ZNF606: variants seen among roughly 807,000 people sequenced by gnomAD.
The protein encoded by ZNF606 is zinc finger protein 328.
ZNF606 carries 37 observed loss-of-function variants against 74.9 expected under a neutral mutation model. The observed-to-expected ratio is 0.49, with a 90% CI of 0.38 to 0.65. The LOEUF (loss-of-function observed/expected upper bound fraction) is 0.65. Among genes scored for constraint, ZNF606 ranks in the 30% least tolerant of loss-of-function variants. The pLI is 0.00. For synonymous variants in ZNF606, 328 were observed against 312.4 expected (o/e 1.05, Z -0.53); for missense variants, 852 against 952.9 (o/e 0.89, Z 1.39).
In ZNF606 at chr19:58,001,333, T is replaced by C. The variant is rs1005747287; in HGVS notation, c.-14A>G. 5 of 1,614,008 alleles carry C rather than the reference T, an allele frequency of 3.1e-6. No individual in the cohort carries two copies. The African/African-American group carries it at 6.7e-5, about 22-fold the overall frequency. On this transcript the variant is annotated 5_prime_UTR_variant, in exon 2 of 7. Coordinates refer to ENST00000551380, the MANE Select transcript of ZNF606 (RefSeq NM_001348022.3). Reference sequence around the variant, plus strand: ...GATGGCTGCCATCCCGAGGACTGATTGACCAGGCACCTGCCCAGGAACACA... The same window carrying C: ...GATGGCTGCCATCCCGAGGACTGATCGACCAGGCACCTGCCCAGGAACACA...
chr19:57,984,557 T>G (rs2073136751), intron 6 of ZNF606, among the ~76,000 whole-genome samples: 1 of 152,148 alleles, frequency 6.6e-6, no homozygotes, highest in South Asian at 2.1e-4. Flanking sequence ...AATAATAAGA[T>G]AAAGACAATG....
At chr19:58,000,335 C>T (rs2123348368) in intron 3 of ZNF606, 2 of 522,244 alleles carry the variant, frequency 3.8e-6, no homozygotes, top group South Asian at 3.0e-5. Context: ...CATTCTCCTG[C>T]CTCAGCCTCC....
intron 4 of ZNF606, among the ~76,000 whole-genome samples, chr19:57,992,206 C>T (rs2073271588): frequency 6.6e-6 from 1 of 152,228 alleles, no homozygotes; most frequent in South Asian, 2.1e-4. Context: ...CCATCAATGA[C>T]TGCTCAGCTG....
chr19:57,992,129 C>T (rs1234741116), intron 4 of ZNF606, among the ~76,000 whole-genome samples: 1 of 152,074 alleles, frequency 6.6e-6, no homozygotes, highest in Non-Finnish European at 1.5e-5. Flanking sequence ...ATCTAATAAA[C>T]ACAAGAGGAA....
At position 58,002,071 on chromosome 19, in the gene ZNF606, G is replaced by C. The variant is rs138179836; in HGVS notation, c.-52+325C>G. 1.6e-5 allele frequency: 7 copies of C among 425,752 alleles called. No individual in the cohort carries two copies. In the East Asian group the frequency reaches 4.9e-4, roughly 30 times the overall value. The allele number at this position is 425,752 out of a possible 1,614,324, so 26.4% of individuals were successfully genotyped here. On this transcript the variant is annotated intron_variant, in intron 1 of 6. Transcript: ENST00000551380. ...TGTGTATAAAGCACTAGAACACACA[G>C]TGGGCCTCAGGAGCACCGGAATCAG...
intron 1 of ZNF606, chr19:58,001,936 G>A (rs924720633): frequency 8.8e-6 from 3 of 341,502 alleles, no homozygotes; most frequent in Non-Finnish European, 1.7e-5. Flanking sequence ...CTAAGCCTAA[G>A]CTTGTGTGTG....
At position 58,002,739 on chromosome 19, in the gene ZNF606, C is replaced by T. The variant is rs771342040; in HGVS notation, c.-395G>A. ...GCCGGCTCTCCTGACCCCCCAAGCC[C>T]CGCAGCTACGGCGGCCCCACAGCCT... On this transcript the variant is annotated 5_prime_UTR_variant, in exon 1 of 7. Coordinates refer to ENST00000551380, the MANE Select transcript of ZNF606 (RefSeq NM_001348022.3). 1 of 454,206 alleles carries T rather than the reference C, an allele frequency of 2.2e-6. No homozygotes were observed. Among genetic ancestry groups the T allele is most frequent in the Non-Finnish European group, 4.4e-6 (1 of 226,048 alleles). 28.1% of individuals were successfully genotyped at this position (454,206 alleles called of 1,614,324 possible).
At chr19:57,997,810 T>G (rs1368968064) in intron 4 of ZNF606, 1 of 152,248 alleles carries the variant, frequency 6.6e-6, no homozygotes, top group African/African-American at 2.4e-5. Context: ...CTACTGATTA[T>G]TCTGTCTTAG....
intron 5 of ZNF606, 97 bp from the exon 6 acceptor site, chr19:57,988,399 T>C: frequency 2.8e-6 from 4 of 1,415,106 alleles, no homozygotes; most frequent in Non-Finnish European, 3.9e-6. Flanking sequence ...CTTCTCAACC[T>C]GGGCAGAATA....
intron 4 of ZNF606, among the ~76,000 whole-genome samples, chr19:57,996,217 G>A (rs1366711963): frequency 6.6e-6 from 1 of 152,228 alleles, no homozygotes; most frequent in Non-Finnish European, 1.5e-5. Flanking sequence ...AGGATGGTAA[G>A]GGGACTGGGC....
chr19:58,002,037 T>C lies in ZNF606; in HGVS notation c.-52+359A>G, dbSNP rs569681449. The C allele has an allele frequency of 7.9e-6, 3 of 380,800 alleles. No individual in the cohort carries two copies. The East Asian group carries it at 2.2e-4, about 28-fold the overall frequency. The allele number at this position is 380,800 out of a possible 1,614,324, so 23.6% of individuals were successfully genotyped here. A position where few individuals can be genotyped will look rare whatever the true frequency, so the allele number is the denominator to read the frequency against. The stretch of plus-strand genomic sequence containing the variant: ...CAAGTCAGCAACCTCTCGAATGGAT[T>C]CCTGGGTATGTGTATAAAGCACTAG... On this transcript the variant is annotated intron_variant, in intron 1 of 6. Coordinates refer to ENST00000551380, the MANE Select transcript of ZNF606 (RefSeq NM_001348022.3).
intron 6 of ZNF606, among the ~76,000 whole-genome samples, chr19:57,985,131 C>CA (rs944144442): frequency 1.9e-4 from 29 of 151,988 alleles, no homozygotes; most frequent in African/African-American, 3.9e-4. Flanking sequence ...AACAAAAACA[C>CA]AAAAAAACAA....
intron 4 of ZNF606, among the ~76,000 whole-genome samples, chr19:57,989,509 T>C (rs752637773): frequency 2.6e-5 from 4 of 151,970 alleles, no homozygotes; most frequent in Non-Finnish European, 5.9e-5. Flanking sequence ...TGTCATGGTG[T>C]GATCTCAGCT....
intron 3 of ZNF606, 194 bp downstream of exon 3, chr19:58,000,489 T>C (rs1201199560): frequency 3.0e-6 from 2 of 673,156 alleles, no homozygotes; most frequent in Admixed American, 2.1e-5. Context: ...CCTCCCAAAG[T>C]GCTGTAGGCG....
rs757978233 is a variant in ZNF606 at position 57,999,874 on chromosome 19, G to A, written c.111C>T (p.Ala37=). Residue 37 remains alanine, a synonymous_variant, in exon 4 of 7, where the codon GCC becomes GCT. Coordinates refer to ENST00000551380, the MANE Select transcript of ZNF606 (RefSeq NM_001348022.3). ...ASWALCPQYP[A]WHVEGSLEEG... ...CCTCCAGGCTTCCCTCCACGTGCCA[G>A]GCAGGATACTGAGGACACAGAGCTA... The A allele has an allele frequency of 6.2e-7, 1 of 1,614,038 alleles. No homozygotes were observed. Among genetic ancestry groups the A allele is most frequent in the Non-Finnish European group, 8.5e-7 (1 of 1,180,032 alleles).
chr19:57,983,624 G>T (rs1459636061), intron 6 of ZNF606, among the ~76,000 whole-genome samples: 3 of 151,996 alleles, frequency 2.0e-5, no homozygotes, highest in Admixed American at 1.3e-4. Context: ...CTGAGATGGT[G>T]GGGTTATAGA....
rs369797939 is a variant in ZNF606, at chr19:57,979,567, C to T, written c.1113G>A (p.Ala371=). ...EHQKIGTVEK[A]YKYNEWEKVF... ...CTTTCTCCCATTCATTGTATTTATA[C>T]GCTTTCTCTACAGTACCAATTTTTT... The change falls in exon 7 of 7, where the codon GCG becomes GCA. Residue 371 remains alanine (A), a synonymous_variant. Coordinates refer to ENST00000551380, the MANE Select transcript of ZNF606 (RefSeq NM_001348022.3). 37 of 1,612,892 alleles carry T rather than the reference C, an allele frequency of 2.3e-5. No homozygotes were observed. The highest frequency in any genetic ancestry group is 1.6e-4 in the Middle Eastern group (1 of 6,080).
intron 4 of ZNF606, among the ~76,000 whole-genome samples, chr19:57,994,831 G>C (rs183671646): frequency 6.6e-6 from 1 of 152,136 alleles, no homozygotes. Context: ...CCAGAGTGGG[G>C]AGACTGACAA....
chr19:58,002,099 C>T (rs1182547632), intron 1 of ZNF606: 1 of 445,284 alleles, frequency 2.2e-6, no homozygotes, highest in Non-Finnish European at 4.5e-6. Context: ...GGAATCAGCG[C>T]GAAAACGCAG....
Sources: allele counts gnomAD v4.1 joint callset (sites outside exome capture counted in the v4.1 genomes callset), GRCh38; gene constraint gnomAD v4.1.1; transcripts MANE v1.5; gene names NCBI Gene and HGNC (gene_info 2026-07-23, HGNC 2026-07-21).